MAP3K7CL: variants seen among roughly 807,000 people sequenced by gnomAD.
The protein encoded by MAP3K7CL is MAP3K7 C-terminal-like protein.
In MAP3K7CL, 16 loss-of-function variants were observed where a neutral mutation model predicts 18.6. That is an observed-to-expected ratio of 0.86 (90% CI 0.58 to 1.31). The LOEUF (loss-of-function observed/expected upper bound fraction) is 1.31, where lower values mean the gene tolerates loss of function less well. Ranked by LOEUF, MAP3K7CL falls within the 50% of genes most tolerant of loss-of-function variation. MAP3K7CL has a pLI of 0.00. For synonymous variants in MAP3K7CL, 65 were observed against 66.8 expected (o/e 0.97, Z 0.13); for missense variants, 163 against 174.4 (o/e 0.93, Z 0.37).
At chr21:29,081,632 T>G (rs1251427584), upstream of MAP3K7CL, among the ~76,000 whole-genome samples, 1 of 152,268 alleles carries the variant, frequency 6.6e-6, no homozygotes, top group Non-Finnish European at 1.5e-5. Context: ...ATAGTATATT[T>G]CCCATGTCTC....
chr21:29,094,139 A>G (rs923991853), intron 4 of MAP3K7CL, among the ~76,000 whole-genome samples: 3 of 152,202 alleles, frequency 2.0e-5, no homozygotes, highest in Non-Finnish European at 4.4e-5. Flanking sequence ...ATATTTGGCA[A>G]TGGCTGGAGA....
upstream of MAP3K7CL, among the ~76,000 whole-genome samples, chr21:29,082,242 A>G (rs1684717532): frequency 6.6e-6 from 1 of 152,202 alleles, no homozygotes; most frequent in African/African-American, 2.4e-5. Context: ...AAATGGCTTA[A>G]GTTCAGGCAC....
At chr21:29,141,380 G>T (rs1187119377) in intron 2 of MAP3K7CL, among the ~76,000 whole-genome samples, 1 of 152,040 alleles carries the variant, frequency 6.6e-6, no homozygotes, top group East Asian at 1.9e-4. Flanking sequence ...AGGTGTGGTG[G>T]CAGGTGCCTG....
At chr21:29,174,283 G>A (rs2087912746) in intron 4 of MAP3K7CL, among the ~76,000 whole-genome samples, 1 of 152,210 alleles carries the variant, frequency 6.6e-6, no homozygotes, top group Non-Finnish European at 1.5e-5. Context: ...CAACTCAGAT[G>A]TAGGAAACAA....
intron 2 of MAP3K7CL, among the ~76,000 whole-genome samples, chr21:29,134,218 C>G (rs1420242783): frequency 6.6e-6 from 1 of 152,122 alleles, no homozygotes; most frequent in Non-Finnish European, 1.5e-5. Context: ...AGGGATGATG[C>G]TTTAAAAAGT....
At chr21:29,164,655 A>G (rs1190938312) in intron 4 of MAP3K7CL, among the ~76,000 whole-genome samples, 1 of 152,226 alleles carries the variant, frequency 6.6e-6, no homozygotes, top group Non-Finnish European at 1.5e-5. Flanking sequence ...AACATTTTCT[A>G]GGATTATAAA....
At chr21:29,128,928 C>G (rs1410118829), upstream of MAP3K7CL, among the ~76,000 whole-genome samples, 1 of 152,036 alleles carries the variant, frequency 6.6e-6, no homozygotes, top group Non-Finnish European at 1.5e-5. Flanking sequence ...AAAGAATAAG[C>G]TTATATGTGA....
At chr21:29,127,117 T>C (rs138269197), upstream of MAP3K7CL, among the ~76,000 whole-genome samples, 1 of 152,260 alleles carries the variant, frequency 6.6e-6, no homozygotes, top group African/African-American at 2.4e-5. Flanking sequence ...GCTACATACG[T>C]ATTGAGTTGT....
At chr21:29,116,313 G>A (rs1388844281) in intron 4 of MAP3K7CL, among the ~76,000 whole-genome samples, 5 of 152,152 alleles carry the variant, frequency 3.3e-5, no homozygotes, top group East Asian at 3.8e-4. Context: ...GTAGCAACAC[G>A]TGAAGAAAAC....
intron 3 of MAP3K7CL, among the ~76,000 whole-genome samples, chr21:29,159,608 CG>C (rs931749452): frequency 6.6e-6 from 1 of 152,064 alleles, no homozygotes; most frequent in Non-Finnish European, 1.5e-5. Context: ...CTAAGATTTC[CG>C]GGGAGTACGG....
intron 2 of MAP3K7CL, among the ~76,000 whole-genome samples, chr21:29,144,911 G>A (rs1445908940): frequency 1.3e-5 from 2 of 152,194 alleles, no homozygotes; most frequent in Non-Finnish European, 2.9e-5. Flanking sequence ...ATGTACTATG[G>A]TACATCATAA....
intron 1 of MAP3K7CL, chr21:29,085,997 A>G (rs1400904449): frequency 1.1e-5 from 17 of 1,498,360 alleles, no homozygotes; most frequent in Non-Finnish European, 1.4e-5. Context: ...GGTGGGAAAA[A>G]TGTAGGAAAG....
At chr21:29,139,034 G>GT (rs1229015027) in intron 2 of MAP3K7CL, among the ~76,000 whole-genome samples, 2 of 152,126 alleles carry the variant, frequency 1.3e-5, no homozygotes, top group African/African-American at 4.8e-5. Context: ...ATGACACTTA[G>GT]TTTTTGTGTT....
At chr21:29,109,305 A>G in intron 4 of MAP3K7CL, 34 of 1,476,276 alleles carry the variant, frequency 2.3e-5, no homozygotes, top group Non-Finnish European at 3.0e-5. Flanking sequence ...CCATTTAATT[A>G]ATGCCATGAT....
In MAP3K7CL at chr21:29,135,721, T is replaced by A. The variant is rs144495739; in HGVS notation, c.70+2307T>A. 4.9e-3 allele frequency among the ~76,000 whole-genome samples: 744 copies of A among 152,336 alleles called. 7 individuals are homozygous for A. Among genetic ancestry groups the A allele is most frequent in the African/African-American group, 0.017 (711 of 41,576 alleles). ...ATGTTTTTCATCCATCAGTTTAGAC[T>A]GGTTTGTTCCAGTGTCTTTCTCTTC... On this transcript the variant is annotated intron_variant, in intron 2 of 4. Coordinates refer to ENST00000399928, the MANE Select transcript of MAP3K7CL (RefSeq NM_001286620.2).
intron 2 of MAP3K7CL, among the ~76,000 whole-genome samples, chr21:29,135,014 G>A (rs1477212715): frequency 6.7e-6 from 1 of 149,998 alleles, no homozygotes; most frequent in African/African-American, 2.5e-5. Flanking sequence ...TCGTGCCACT[G>A]CACTCCAGCC....
At chr21:29,162,787 CT>C (rs2087584070) in intron 4 of MAP3K7CL, among the ~76,000 whole-genome samples, 1 of 151,552 alleles carries the variant, frequency 6.6e-6, no homozygotes, top group Non-Finnish European at 1.5e-5. Context: ...AATGATAACT[CT>C]GGGTACCACT....
chr21:29,124,077 A>G (rs1051946048), intron 4 of MAP3K7CL, among the ~76,000 whole-genome samples: 2 of 152,072 alleles, frequency 1.3e-5, no homozygotes, highest in Non-Finnish European at 2.9e-5. Flanking sequence ...AACACAGGCC[A>G]AGGGTGGTGG....
rs1476378353 is a variant in MAP3K7CL, at chr21:29,109,041, T to C, written c.370+16460T>C. 2.9e-5 allele frequency: 45 copies of C among 1,531,360 alleles called. No homozygotes were observed. In the Middle Eastern group the frequency reaches 6.7e-4, roughly 23 times the overall value. 94.9% of individuals were successfully genotyped at this position (1,531,360 alleles called of 1,614,324 possible). On this transcript the variant is annotated intron_variant, in intron 4 of 6. Coordinates refer to the MAP3K7CL transcript ENST00000286791. Reference sequence around the variant, plus strand: ...TCAGAAAATTCTACTTCCTACTAGGTTGACATTCGTAACCTTCCTGGATCC... The same window carrying C: ...TCAGAAAATTCTACTTCCTACTAGGCTGACATTCGTAACCTTCCTGGATCC...
Sources: gnomAD v4.1 joint callset for allele counts (sites outside exome capture counted in the v4.1 genomes callset) on GRCh38, gnomAD v4.1.1 for gene constraint, MANE v1.5 for transcripts, NCBI Gene and HGNC (gene_info 2026-07-23, HGNC 2026-07-21) for gene names.